The following TRIM34 variants were observed in gnomAD, a reference collection of about 807,000 sequenced individuals.
TRIM34 encodes E3 ubiquitin-protein ligase TRIM34.
Under a neutral mutation model 38.1 loss-of-function variants are expected in TRIM34, and 41 were observed. The observed-to-expected ratio is 1.08, with a 90% CI of 0.84 to 1.40. TRIM34 has a LOEUF of 1.40. Among genes scored for constraint, TRIM34 ranks in the 40% most tolerant of loss-of-function variants. The pLI is 0.00. For missense variants in TRIM34, 556 were observed against 571.4 expected, an observed-to-expected ratio of 0.97 and a Z score of 0.27; for synonymous variants, 200 against 202.5, an observed-to-expected ratio of 0.99 and a Z score of 0.10.
At chr11:5,619,966 C>G (rs1342888902) in exon 1 of TRIM34, 1 of 151,452 alleles carries the variant, frequency 6.6e-6, no homozygotes, top group Non-Finnish European at 1.5e-5. Flanking sequence ...TCCCAAAGTG[C>G]TGGGATTACA....
intron 3 of TRIM34, among the ~76,000 whole-genome samples, chr11:5,634,386 T>G (rs1183971960): frequency 6.6e-6 from 1 of 150,972 alleles, no homozygotes; most frequent in Non-Finnish European, 1.5e-5. Context: ...AAAAATAGCT[T>G]CCCTCCAAGT....
At chr11:5,633,667 A>G in intron 2 of TRIM34, 137 bp from the exon 3 acceptor site, 7 of 801,158 alleles carry the variant, frequency 8.7e-6, no homozygotes, top group Non-Finnish European at 1.3e-5. Flanking sequence ...TCCCCATGTC[A>G]TAGATTCTAA....
chr11:5,632,737 G>A lies in TRIM34; in HGVS notation c.406G>A (p.Val136Ile), dbSNP rs147223327. ...TCACCACACAGTCCTCACGGAGGAA[G>A]TATTCAAGGAATGTCAGGTAGGGCC... ...RGHHTVLTEE[V>I]FKECQEKLQA... Residue 136 changes from valine to isoleucine, a missense_variant, in exon 2 of 8, where the codon GTA becomes ATA. Transcript: ENST00000429814. 11 of 1,569,088 alleles carry A rather than the reference G, an allele frequency of 7.0e-6. No homozygotes were observed. The highest frequency in any genetic ancestry group is 8.7e-6 in the Non-Finnish European group (10 of 1,151,340).
intron 4 of TRIM34, among the ~76,000 whole-genome samples, chr11:5,638,476 G>A (rs1849842379): frequency 6.7e-6 from 1 of 149,500 alleles, no homozygotes; most frequent in East Asian, 2.0e-4. Context: ...TTATTTGGTT[G>A]TACACCAGCT....
At chr11:5,629,915 C>T (rs1487244659) in intron 1 of TRIM34, among the ~76,000 whole-genome samples, 1 of 152,156 alleles carries the variant, frequency 6.6e-6, no homozygotes, top group Admixed American at 6.5e-5. Flanking sequence ...ACCTTGTTAG[C>T]CAGGATGGTC....
At chr11:5,642,290 G>A (rs1449269915) in intron 5 of TRIM34, 116 bp from the exon 6 acceptor site, 1 of 877,372 alleles carries the variant, frequency 1.1e-6, no homozygotes, top group East Asian at 2.6e-5. Flanking sequence ...CCCTCCTCAG[G>A]CTCAGGGAGA....
chr11:5,641,549 T>A (rs1249319068), intron 5 of TRIM34, among the ~76,000 whole-genome samples: 1 of 152,204 alleles, frequency 6.6e-6, no homozygotes, highest in Non-Finnish European at 1.5e-5. Context: ...ATGGAGGGCC[T>A]TGTCAAATCC....
chr11:5,631,039 C>T (rs139116988), intron 1 of TRIM34, among the ~76,000 whole-genome samples: 1 of 152,224 alleles, frequency 6.6e-6, no homozygotes. Context: ...GGACATCTCT[C>T]TCATGGCCAA....
chr11:5,629,276 CA>C (rs148236358), intron 1 of TRIM34, among the ~76,000 whole-genome samples: 5 of 148,604 alleles, frequency 3.4e-5, no homozygotes, highest in Admixed American at 6.7e-5. Context: ...AACTCCATCT[CA>C]AAAAAAAACA....
intron 5 of TRIM34, 135 bp from the exon 6 acceptor site, chr11:5,642,271 C>A: frequency 2.9e-6 from 2 of 698,512 alleles, no homozygotes; most frequent in Non-Finnish European, 4.7e-6. Context: ...GTCCGGCTCT[C>A]CCTTCTCCCC....
intron 2 of TRIM34, 69 bp from the exon 3 acceptor site, chr11:5,633,735 C>T: frequency 2.8e-6 from 4 of 1,450,954 alleles, no homozygotes; most frequent in Non-Finnish European, 2.8e-6. Context: ...TGATTTTTTC[C>T]CTGTTTGTCC....
chr11:5,632,209 T>G (rs760045419), intron 1 of TRIM34, 46 bp from the exon 2 acceptor site: 6 of 1,527,894 alleles, frequency 3.9e-6, no homozygotes, highest in Non-Finnish European at 5.3e-6. Context: ...ATTAGAATGC[T>G]TTTTATTTGT....
chr11:5,641,050 A>G (rs184375491), intron 4 of TRIM34, 117 bp from the exon 5 acceptor site: 2 of 1,383,004 alleles, frequency 1.4e-6, no homozygotes, highest in African/African-American at 3.0e-5. Context: ...TTTTGTTGAC[A>G]TTTTCATATA....
At chr11:5,636,749 T>C (rs1201034532) in intron 4 of TRIM34, among the ~76,000 whole-genome samples, 6 of 152,230 alleles carry the variant, frequency 3.9e-5, no homozygotes, top group African/African-American at 1.4e-4. Flanking sequence ...GGGATTAACA[T>C]TTCACTTCTA....
upstream of TRIM34, among the ~76,000 whole-genome samples, chr11:5,623,733 T>C (rs978645013): frequency 1.3e-5 from 2 of 152,110 alleles, no homozygotes; most frequent in African/African-American, 2.4e-5. Context: ...AACCTGATAG[T>C]AATTGACTCC....
chr11:5,631,406 G>A (rs1849476632), intron 1 of TRIM34, among the ~76,000 whole-genome samples: 1 of 152,160 alleles, frequency 6.6e-6, no homozygotes, highest in African/African-American at 2.4e-5. Context: ...TTCTACCATC[G>A]AATTGGGTGA....
chr11:5,634,530 CATATATAT>C lies in TRIM34; in HGVS notation c.520-90_520-83del, dbSNP rs112822638. 89 of 261,996 alleles carry C rather than the reference CATATATAT, an allele frequency of 3.4e-4. 3 individuals carry two copies. The highest frequency in any genetic ancestry group is 2.4e-3 in the African/African-American group (72 of 30,356). The allele number at this position is 261,996 out of a possible 1,614,324, so 16.2% of individuals were successfully genotyped here. A position where few individuals can be genotyped will look rare whatever the true frequency, so the allele number is the denominator to read the frequency against. On this transcript the variant is annotated intron_variant, in intron 3 of 7. Transcript: ENST00000429814. ...ACACACACACACACACACACACACA[CATATATAT>C]ATATATATATTTCCCTACTGGCTCC...
At chr11:5,638,376 C>T (rs1418148804) in intron 4 of TRIM34, among the ~76,000 whole-genome samples, 1 of 152,178 alleles carries the variant, frequency 6.6e-6, no homozygotes, top group Non-Finnish European at 1.5e-5. Context: ...AAAGTAATAC[C>T]TCTCTGGCCA....
chr11:5,633,339 G>A (rs1182223840), intron 2 of TRIM34, among the ~76,000 whole-genome samples: 1 of 151,868 alleles, frequency 6.6e-6, no homozygotes, highest in Non-Finnish European at 1.5e-5. Context: ...GTACACTCTT[G>A]TGTATTCCTT....
Sources: allele counts gnomAD v4.1 joint callset (sites outside exome capture counted in the v4.1 genomes callset), GRCh38; gene constraint gnomAD v4.1.1; transcripts MANE v1.5; gene names NCBI Gene and HGNC (gene_info 2026-07-23, HGNC 2026-07-21).